The following IKZF2 variants were observed in gnomAD, a reference collection of about 807,000 sequenced individuals.
IKZF2 encodes the protein IKAROS family zinc finger 2.
In IKZF2, 15 loss-of-function variants were observed where a neutral mutation model predicts 49.2. The observed-to-expected ratio is 0.30, with a 90% confidence interval of 0.20 to 0.47. The LOEUF (loss-of-function observed/expected upper bound fraction) is 0.47. Among genes scored for constraint, IKZF2 ranks in the 20% least tolerant of loss-of-function variants. The pLI is 1.00. For missense variants in IKZF2, 567 were observed against 664.6 expected, an observed-to-expected ratio of 0.85 and a Z score of 1.61; for synonymous variants, 227 against 221.4, an observed-to-expected ratio of 1.03 and a Z score of -0.23.
chr2:213,148,353 A>G (rs1328608822), intron 3 of IKZF2, among the ~76,000 whole-genome samples: 2 of 152,222 alleles, frequency 1.3e-5, no homozygotes, highest in Non-Finnish European at 2.9e-5. Context: ...AAAAGTAGGA[A>G]AGTGTTGAAC....
intron 4 of IKZF2, among the ~76,000 whole-genome samples, chr2:213,120,660 G>A (rs2060023957): frequency 6.6e-6 from 1 of 152,222 alleles, no homozygotes; most frequent in African/African-American, 2.4e-5. Context: ...CAAAACTACA[G>A]AAAGGCAATG....
At chr2:213,137,439 T>G (rs1462797058) in intron 4 of IKZF2, among the ~76,000 whole-genome samples, 6 of 152,256 alleles carry the variant, frequency 3.9e-5, no homozygotes, top group African/African-American at 1.4e-4. Context: ...ACCACCTATT[T>G]TTAGTACCTA....
rs111978169 is a variant in IKZF2 at position 213,015,565 on chromosome 2, G to A, written c.713-1631C>T. On this transcript the variant is annotated intron_variant, in intron 7 of 8. Transcript: ENST00000434687. ...CAAGGATGACCAATTCACGTAAGGG[G>A]AGTCAGAAGAATGGCACAGTGGTGG... Among the ~76,000 whole-genome samples the A allele has an allele frequency of 4.7e-4, 72 of 152,172 alleles. 1 individual carries two copies. Among genetic ancestry groups the A allele is most frequent in the African/African-American group, 1.6e-3 (67 of 41,544 alleles).
At chr2:213,117,018 C>G (rs1018250991) in intron 4 of IKZF2, among the ~76,000 whole-genome samples, 11 of 152,124 alleles carry the variant, frequency 7.2e-5, no homozygotes, top group Non-Finnish European at 1.6e-4. Context: ...TACTCAACAG[C>G]ACTTAGGGTA....
In IKZF2 at chr2:213,124,043, C is replaced by A. The variant is rs914284565; in HGVS notation, c.139+23665G>T. ...GATCAGCAATGGAACAGTAAACTTC[C>A]TTTCCTCTAGCACTTGAAGCAGTCA... On this transcript the variant is annotated intron_variant, in intron 4 of 8. Transcript: ENST00000434687. 7.2e-5 allele frequency among the ~76,000 whole-genome samples: 11 copies of A among 152,230 alleles called. No homozygotes were observed. In the East Asian group the frequency reaches 2.1e-3, roughly 29 times the overall value.
In IKZF2 at chr2:213,005,911, C is replaced by T. The variant is rs1280409783; in HGVS notation, c.*1449G>A. Reference sequence around the variant, plus strand: ...GATTGAGATTCATTTCTGACAAGGACTTACACAATTAAATGTTTTGGAAAC... The same window carrying T: ...GATTGAGATTCATTTCTGACAAGGATTTACACAATTAAATGTTTTGGAAAC... On this transcript the variant is annotated 3_prime_UTR_variant, in exon 9 of 9. Transcript: ENST00000434687. 6.6e-6 allele frequency: 1 copy of T among 152,090 alleles called. No individual in the cohort carries two copies. The highest frequency in any genetic ancestry group is 1.5e-5 in the Non-Finnish European group (1 of 67,988). The allele number at this position is 152,090 out of a possible 1,614,324, so 9.4% of individuals were successfully genotyped here. A position where few individuals can be genotyped will look rare whatever the true frequency, so the allele number is the denominator to read the frequency against.
At chr2:213,122,311 C>G (rs773701312) in intron 4 of IKZF2, among the ~76,000 whole-genome samples, 1 of 152,158 alleles carries the variant, frequency 6.6e-6, no homozygotes, top group Non-Finnish European at 1.5e-5. Context: ...TTGGAGCAAC[C>G]ACTATTTTCT....
intron 4 of IKZF2, among the ~76,000 whole-genome samples, chr2:213,108,758 A>G (rs1476777863): frequency 6.6e-6 from 1 of 152,120 alleles, no homozygotes; most frequent in Non-Finnish European, 1.5e-5. Flanking sequence ...AAGCAATACA[A>G]CATATTGCTT....
At chr2:213,150,455 C>T (rs1267473919) in intron 1 of IKZF2, 183 of 186,314 alleles carry the variant, frequency 9.8e-4, no homozygotes, top group African/African-American at 4.3e-3. Context: ...AAGAACACCC[C>T]CCTCCTCCTC....
At chr2:213,110,758 C>T (rs1244329316) in intron 4 of IKZF2, among the ~76,000 whole-genome samples, 1 of 151,970 alleles carries the variant, frequency 6.6e-6, no homozygotes, top group Non-Finnish European at 1.5e-5. Context: ...ATCAACAATA[C>T]ATAAAAGGCC....
At chr2:213,140,356 A>G (rs1337018364) in intron 4 of IKZF2, among the ~76,000 whole-genome samples, 1 of 151,974 alleles carries the variant, frequency 6.6e-6, no homozygotes, top group Non-Finnish European at 1.5e-5. Context: ...AATTCTATAC[A>G]AAATCATTTT....
rs1485901283 is a variant in IKZF2, at chr2:213,054,547, G to C, written c.406+2286C>G. ...AGGACACACTCAGATGTATAAACTG[G>C]ATCATCAGAAATATGTTGAAGTGTC... On this transcript the variant is annotated intron_variant, in intron 5 of 8. Transcript: ENST00000434687. Among the ~76,000 whole-genome samples the C allele has an allele frequency of 7.2e-5, 11 of 152,242 alleles. No homozygotes were observed. The East Asian group carries it at 1.7e-3, about 24-fold the overall frequency.
intron 4 of IKZF2, among the ~76,000 whole-genome samples, chr2:213,134,667 A>T (rs189073554): frequency 6.6e-6 from 1 of 152,276 alleles, no homozygotes; most frequent in Admixed American, 6.5e-5. Context: ...CAAATATCTG[A>T]AGAAGTATGC....
intron 4 of IKZF2, among the ~76,000 whole-genome samples, chr2:213,065,176 C>G (rs1301822329): frequency 6.6e-6 from 1 of 152,022 alleles, no homozygotes; most frequent in Non-Finnish European, 1.5e-5. Flanking sequence ...GATACTTCCC[C>G]TATTTCTATA....
intron 4 of IKZF2, among the ~76,000 whole-genome samples, chr2:213,130,658 A>T (rs141044322): frequency 6.6e-6 from 1 of 152,234 alleles, no homozygotes; most frequent in Non-Finnish European, 1.5e-5. Context: ...ACATAAATGC[A>T]TATGACTTGA....
Position 213,007,185 on chromosome 2 carries a change from T to C in IKZF2, c.*175A>G. ...CCTTCTCTCTTCTGTTTCTTCCTTA[T>C]CGTAATTAGGCAGAGCAAATGACAC... On this transcript the variant is annotated 3_prime_UTR_variant, in exon 9 of 9. Transcript: ENST00000434687. The C allele has an allele frequency of 3.2e-6, 2 of 633,534 alleles. No homozygotes were observed. The highest frequency in any genetic ancestry group is 5.1e-6 in the Non-Finnish European group (2 of 389,114). 39.2% of individuals were successfully genotyped at this position (633,534 alleles called of 1,614,324 possible). A position where few individuals can be genotyped will look rare whatever the true frequency, so the allele number is the denominator to read the frequency against.
intron 8 of IKZF2, among the ~76,000 whole-genome samples, chr2:213,009,181 T>A (rs1365921670): frequency 6.6e-6 from 1 of 152,136 alleles, no homozygotes; most frequent in Non-Finnish European, 1.5e-5. Flanking sequence ...TGTTTGCAGT[T>A]TTTCCTTAAA....
At chr2:213,079,270 T>G (rs561244676) in intron 4 of IKZF2, among the ~76,000 whole-genome samples, 1 of 151,936 alleles carries the variant, frequency 6.6e-6, no homozygotes, top group Admixed American at 6.6e-5. Context: ...TCCCAACTAC[T>G]TGGGGGACTG....
intron 4 of IKZF2, among the ~76,000 whole-genome samples, chr2:213,064,498 C>T (rs147538440): frequency 4.6e-5 from 7 of 152,104 alleles, no homozygotes; most frequent in East Asian, 1.9e-4. Flanking sequence ...CCTTGTATAG[C>T]GTGCACATCA....
Sources: gnomAD v4.1 joint callset for allele counts (sites outside exome capture counted in the v4.1 genomes callset) on GRCh38, gnomAD v4.1.1 for gene constraint, MANE v1.5 for transcripts, NCBI Gene and HGNC (gene_info 2026-07-23, HGNC 2026-07-21) for gene names.